TIAM1: variants seen among roughly 807,000 people sequenced by gnomAD.
The protein encoded by TIAM1 is TIAM Rac1 associated GEF 1.
TIAM1 carries 65 observed loss-of-function variants against 163.5 expected under a neutral mutation model. That is an observed-to-expected ratio of 0.40 (90% CI 0.33 to 0.49). TIAM1 has a LOEUF of 0.49. Ranked by LOEUF, TIAM1 falls within the 20% of genes least tolerant of loss-of-function variation. The pLI, the probability that TIAM1 is intolerant of heterozygous loss-of-function variation, is 0.77. For missense variants in TIAM1, 1,789 were observed against 2,044.7 expected, an observed-to-expected ratio of 0.87 and a Z score of 2.41; for synonymous variants, 833 against 810.1, an observed-to-expected ratio of 1.03 and a Z score of -0.48.
intron 1 of TIAM1, among the ~76,000 whole-genome samples, chr21:31,470,762 T>A (rs545022915): frequency 6.6e-6 from 1 of 152,340 alleles, no homozygotes; most frequent in East Asian, 1.9e-4. Flanking sequence ...GAGACAATGC[T>A]GCCGGGAAAA....
chr21:31,343,122 T>C (rs200172228), intron 1 of TIAM1, among the ~76,000 whole-genome samples: 20 of 152,192 alleles, frequency 1.3e-4, no homozygotes, highest in Non-Finnish European at 2.9e-4. Context: ...AACATTCTCA[T>C]GAAGGATTCG....
At chr21:31,365,681 T>C (rs964626156) in intron 2 of TIAM1, among the ~76,000 whole-genome samples, 3 of 151,984 alleles carry the variant, frequency 2.0e-5, no homozygotes, top group African/African-American at 7.2e-5. Flanking sequence ...TGAGCCACTG[T>C]GCCCAGCCTG....
At chr21:31,543,520 G>T (rs1280510438) in intron 1 of TIAM1, among the ~76,000 whole-genome samples, 1 of 131,864 alleles carries the variant, frequency 7.6e-6, no homozygotes, top group Non-Finnish European at 1.7e-5. Flanking sequence ...AAGAAACATT[G>T]TAACGATTCA....
intron 2 of TIAM1, among the ~76,000 whole-genome samples, chr21:31,297,692 T>A (rs1264671867): frequency 6.6e-6 from 1 of 152,196 alleles, no homozygotes; most frequent in Admixed American, 6.5e-5. Flanking sequence ...CCAATGGGAA[T>A]GTACTTAATG....
chr21:31,144,555 T>C (rs2300335), intron 20 of TIAM1, among the ~76,000 whole-genome samples: 95,677 of 151,966 alleles, frequency 0.63, 30,837 homozygotes, highest in African/African-American at 0.76. Context: ...CAGCTGGGCA[T>C]GGTGGATCAC....
At chr21:31,472,792 C>T (rs2045793113) in intron 1 of TIAM1, among the ~76,000 whole-genome samples, 1 of 152,232 alleles carries the variant, frequency 6.6e-6, no homozygotes, top group African/African-American at 2.4e-5. Context: ...GGGATAATAA[C>T]AGCATCTAGC....
chr21:31,452,219 G>A (rs1057244908), intron 2 of TIAM1, among the ~76,000 whole-genome samples: 2 of 152,114 alleles, frequency 1.3e-5, no homozygotes, highest in Non-Finnish European at 2.9e-5. Flanking sequence ...AAAGCAAACT[G>A]CCGAGCTCAG....
At chr21:31,556,486 T>C (rs187557386) in intron 1 of TIAM1, among the ~76,000 whole-genome samples, 6 of 152,286 alleles carry the variant, frequency 3.9e-5, no homozygotes, top group Non-Finnish European at 7.3e-5. Context: ...GAATGTGTTG[T>C]TGGACCCAAT....
intron 3 of TIAM1, among the ~76,000 whole-genome samples, chr21:31,276,280 G>A (rs2073295848): frequency 1.3e-5 from 2 of 152,138 alleles, no homozygotes; most frequent in African/African-American, 2.4e-5. Context: ...GACTAAGCAG[G>A]AAAGTTTTGC....
intron 2 of TIAM1, among the ~76,000 whole-genome samples, chr21:31,325,487 G>T (rs1178417665): frequency 6.6e-6 from 1 of 151,930 alleles, no homozygotes; most frequent in East Asian, 1.9e-4. Context: ...GGCCAACACG[G>T]CAAAACCCTG....
Position 31,154,275 on chromosome 21 carries a change from A to G in TIAM1, c.3143T>C (p.Leu1048Pro). 1 of 1,614,036 alleles carries G rather than the reference A, an allele frequency of 6.2e-7. No homozygotes were observed. Reference protein sequence around the residue: ...ADKLRKVICELLETERTYVKD... With the variant: ...ADKLRKVICEPLETERTYVKD... ...CACGTAGGTGCGCTCCGTCTCCAGG[A>G]GCTCGCAGATCACCTTGCGCAGCTT... The change falls in exon 17 of 28, where the codon CTC (leucine) becomes CCC (proline). Residue 1048 changes from leucine (L) to proline (P), a missense_variant. By Grantham distance (98) the Leu-to-Pro change is moderately conservative (BLOSUM62 -3). Transcript: ENST00000541036.
At chr21:31,131,004 T>C (rs2082394416) in intron 23 of TIAM1, 56 bp from the exon 24 acceptor site, 1 of 1,475,628 alleles carries the variant, frequency 6.8e-7, no homozygotes, top group African/African-American at 1.4e-5. Context: ...GTTTTCCCCT[T>C]GACATCACCA....
At chr21:31,255,396 T>C (rs939745197) in intron 4 of TIAM1, among the ~76,000 whole-genome samples, 2 of 152,190 alleles carry the variant, frequency 1.3e-5, no homozygotes, top group African/African-American at 4.8e-5. Context: ...AAGTCCATTC[T>C]CCAGCATTGC....
intron 1 of TIAM1, among the ~76,000 whole-genome samples, chr21:31,513,693 A>G (rs1290533946): frequency 2.6e-5 from 4 of 152,168 alleles, no homozygotes; most frequent in Non-Finnish European, 5.9e-5. Context: ...CTTTAGGGTC[A>G]ATCTAGACCT....
At chr21:31,518,430 G>A (rs1299774116) in intron 1 of TIAM1, among the ~76,000 whole-genome samples, 1 of 152,032 alleles carries the variant, frequency 6.6e-6, no homozygotes, top group African/African-American at 2.4e-5. Flanking sequence ...TGAGATTACA[G>A]GCATGCGCCA....
intron 13 of TIAM1, among the ~76,000 whole-genome samples, chr21:31,191,306 T>C (rs1314865722): frequency 6.6e-6 from 1 of 152,104 alleles, no homozygotes; most frequent in Non-Finnish European, 1.5e-5. Context: ...CAGGTGTGTG[T>C]CACCAAGCCC....
At chr21:31,127,231 C>T in intron 25 of TIAM1, 79 bp from the exon 26 acceptor site, 1 of 1,314,484 alleles carries the variant, frequency 7.6e-7, no homozygotes. Flanking sequence ...CATTTTTCAG[C>T]TGTGATAGAG....
upstream of TIAM1, among the ~76,000 whole-genome samples, chr21:31,345,208 T>C (rs944460727): frequency 1.3e-5 from 2 of 152,146 alleles, no homozygotes; most frequent in Non-Finnish European, 2.9e-5. Context: ...AATTGATAGA[T>C]TAATAGAGTA....
chr21:31,316,111 G>A (rs1218682871), intron 2 of TIAM1, among the ~76,000 whole-genome samples: 2 of 152,170 alleles, frequency 1.3e-5, no homozygotes, highest in Non-Finnish European at 2.9e-5. Flanking sequence ...GTGATCCACT[G>A]TATTAAGATT....
Sources: allele counts gnomAD v4.1 joint callset (sites outside exome capture counted in the v4.1 genomes callset), GRCh38; gene constraint gnomAD v4.1.1; transcripts MANE v1.5; gene names NCBI Gene and HGNC (gene_info 2026-07-23, HGNC 2026-07-21).